The following ASCC1 variants were observed in gnomAD, a reference collection of about 807,000 sequenced individuals.
The protein encoded by ASCC1 is ASC-1 complex subunit P50.
ASCC1 carries 35 observed loss-of-function variants against 46.6 expected under a neutral mutation model. That is an observed-to-expected ratio of 0.75 (90% CI 0.57 to 0.99). The LOEUF is 0.99. ASCC1 is among the 50% of genes least tolerant of loss of function. The pLI is 0.00. For synonymous variants in ASCC1, 143 were observed against 146.6 expected, an observed-to-expected ratio of 0.98 and a Z score of 0.18; for missense variants, 376 against 428.7, an observed-to-expected ratio of 0.88 and a Z score of 1.09.
intron 7 of ASCC1, among the ~76,000 whole-genome samples, chr10:72,137,085 T>A (rs1377570209): frequency 2.0e-5 from 3 of 152,104 alleles, no homozygotes; most frequent in Non-Finnish European, 4.4e-5. Flanking sequence ...AATTTTTTTT[T>A]TTTAACTTTT....
intron 5 of ASCC1, among the ~76,000 whole-genome samples, chr10:72,177,568 C>T (rs1564702930): frequency 6.6e-6 from 1 of 152,202 alleles, no homozygotes; most frequent in East Asian, 1.9e-4. Flanking sequence ...GTTCTCTAGG[C>T]AGCCTGAGAA....
intron 3 of ASCC1, chr10:72,204,631 C>T: frequency 8.0e-7 from 1 of 1,246,368 alleles, no homozygotes; most frequent in Non-Finnish European, 1.1e-6. Context: ...TTACAGTACC[C>T]AATTCTACGG....
intron 5 of ASCC1, among the ~76,000 whole-genome samples, chr10:72,188,582 G>A (rs541169881): frequency 2.2e-4 from 33 of 152,290 alleles, no homozygotes; most frequent in African/African-American, 7.0e-4. Flanking sequence ...AAAAGATCTT[G>A]TAAAAGTTTT....
intron 3 of ASCC1, among the ~76,000 whole-genome samples, chr10:72,203,894 A>G (rs1856843667): frequency 6.6e-6 from 1 of 152,050 alleles, no homozygotes; most frequent in Non-Finnish European, 1.5e-5. Context: ...GAGGTGGGAG[A>G]ACTGCTTGAG....
intron 8 of ASCC1, among the ~76,000 whole-genome samples, chr10:72,132,774 T>C (rs747513880): frequency 2.0e-5 from 3 of 151,674 alleles, no homozygotes; most frequent in East Asian, 1.9e-4. Flanking sequence ...GACATACTTA[T>C]GCCAAAAATT....
intron 9 of ASCC1, chr10:72,103,023 T>C (rs1026100303): frequency 2.8e-5 from 12 of 435,936 alleles, no homozygotes; most frequent in Non-Finnish European, 5.5e-5. Context: ...ATGTAGGTAT[T>C]GACAACAACA....
intron 9 of ASCC1, among the ~76,000 whole-genome samples, chr10:72,119,253 C>T (rs1283601616): frequency 1.3e-5 from 2 of 152,228 alleles, no homozygotes; most frequent in African/African-American, 4.8e-5. Flanking sequence ...ATAAAAGAAC[C>T]ATTCTGAAAT....
At chr10:72,143,129 C>A (rs183823633) in intron 7 of ASCC1, among the ~76,000 whole-genome samples, 1 of 142,138 alleles carries the variant, frequency 7.0e-6, no homozygotes, top group African/African-American at 2.7e-5. Context: ...CCACTGCACT[C>A]GAGCCTGGGT....
chr10:72,215,580 C>T (rs1001153819), intron 1 of ASCC1, among the ~76,000 whole-genome samples: 2 of 151,606 alleles, frequency 1.3e-5, no homozygotes, highest in Non-Finnish European at 2.9e-5. Context: ...AAGTTCTCAA[C>T]GAAAAAAGAC....
chr10:72,190,779 C>A (rs543052844), intron 5 of ASCC1, among the ~76,000 whole-genome samples: 1 of 151,810 alleles, frequency 6.6e-6, no homozygotes, highest in East Asian at 2.0e-4. Flanking sequence ...AGACAGATCA[C>A]GAGGTCAAGA....
At chr10:72,137,343 A>G (rs918809919) in intron 7 of ASCC1, among the ~76,000 whole-genome samples, 1 of 152,056 alleles carries the variant, frequency 6.6e-6, no homozygotes, top group Non-Finnish European at 1.5e-5. Flanking sequence ...CCTGGCCAAC[A>G]TGGTGAAACC....
At chr10:72,161,413 G>C in intron 6 of ASCC1, 125 bp downstream of exon 6, 1 of 1,210,158 alleles carries the variant, frequency 8.3e-7, no homozygotes, top group Non-Finnish European at 1.2e-6. Flanking sequence ...TGCCTGAGTG[G>C]GCTCCATCAA....
chr10:72,191,416 T>G (rs1010551687), intron 5 of ASCC1, among the ~76,000 whole-genome samples: 9 of 151,860 alleles, frequency 5.9e-5, no homozygotes, highest in Non-Finnish European at 1.3e-4. Flanking sequence ...CTTTATCTTA[T>G]TAGGGAGTTA....
At chr10:72,185,325 C>A (rs990811639) in intron 5 of ASCC1, among the ~76,000 whole-genome samples, 2 of 152,146 alleles carry the variant, frequency 1.3e-5, no homozygotes, top group African/African-American at 4.8e-5. Flanking sequence ...GATTTCTGCA[C>A]AAATTTATAA....
At chr10:72,189,756 C>T (rs1202075783) in intron 5 of ASCC1, among the ~76,000 whole-genome samples, 1 of 145,166 alleles carries the variant, frequency 6.9e-6, no homozygotes, top group Non-Finnish European at 1.5e-5. Context: ...GAGCCGAGAT[C>T]GCACCACTGC....
chr10:72,133,697 GA>G (rs1175364178), intron 7 of ASCC1: 1 of 173,978 alleles, frequency 5.7e-6, no homozygotes, highest in African/African-American at 2.4e-5. Context: ...GGAAGCCACA[GA>G]AAGACTTTCA....
Position 72,106,016 on chromosome 10 carries a change from C to T in ASCC1, c.958-8566G>A, listed in dbSNP as rs1842306601. Among the ~76,000 whole-genome samples, 2 of 152,106 alleles carry T rather than the reference C, an allele frequency of 1.3e-5. 1 individual carries two copies. The highest frequency in any genetic ancestry group is 4.8e-5 in the African/African-American group (2 of 41,370). ...CAGTCCGCAACAGCACAGTGACAAT[C>T]TGCTGGGGATCCCTGCTCACTTGGC... On this transcript the variant is annotated intron_variant, in intron 9 of 9. Coordinates refer to ENST00000672957, the MANE Select transcript of ASCC1 (RefSeq NM_001198800.3).
In ASCC1 at chr10:72,161,583, T is replaced by C. The variant is rs1021962371; in HGVS notation, c.581A>G (p.Gln194Arg). The change falls in exon 6 of 10, where the codon CAG becomes CGG. Residue 194 changes from glutamine to arginine, a missense_variant. Gln to Arg is a conservative substitution (Grantham distance 43). Coordinates refer to ENST00000672957, the MANE Select transcript of ASCC1 (RefSeq NM_001198800.3). ...MLVLLSEEEI[Q>R]QTCEMLQQCK... is the part of the protein sequence containing the mutation. Reference sequence around the variant, plus strand: ...CTGCTGTAGCATCTCACATGTCTGCTGGATCTCTTCCTCACTCAAAAGCAC... The same window carrying C: ...CTGCTGTAGCATCTCACATGTCTGCCGGATCTCTTCCTCACTCAAAAGCAC... 1.2e-6 allele frequency: 2 copies of C among 1,614,220 alleles called. No individual in the cohort carries two copies. The highest frequency in any genetic ancestry group is 1.7e-5 in the Admixed American group (1 of 60,022).
At chr10:72,147,406 C>T (rs1282983908) in intron 7 of ASCC1, among the ~76,000 whole-genome samples, 1 of 152,058 alleles carries the variant, frequency 6.6e-6, no homozygotes, top group African/African-American at 2.4e-5. Context: ...GCATGAGCCA[C>T]CACACCCAGC....
Sources: allele counts gnomAD v4.1 joint callset (sites outside exome capture counted in the v4.1 genomes callset), GRCh38; gene constraint gnomAD v4.1.1; transcripts MANE v1.5; gene names NCBI Gene and HGNC (gene_info 2026-07-23, HGNC 2026-07-21).